The following GABRG3 variants were observed in gnomAD, a reference collection of about 807,000 sequenced individuals.
GABRG3 encodes the protein gamma-aminobutyric acid receptor subunit gamma-3.
GABRG3 carries 25 observed loss-of-function variants against 48.8 expected under a neutral mutation model. The ratio of observed to expected loss-of-function variants is 0.51; its 90% CI spans 0.37 to 0.72. The LOEUF is 0.72. GABRG3 is among the 30% of genes least tolerant of loss of function. The pLI, the probability that GABRG3 is intolerant of heterozygous loss-of-function variation, is 0.00. For synonymous variants in GABRG3, 227 were observed against 217.6 expected (o/e 1.04, Z -0.38); for missense variants, 394 against 577.9 (o/e 0.68, Z 3.26).
intron 3 of GABRG3, among the ~76,000 whole-genome samples, chr15:27,308,340 A>ACGTTTAT (rs1892803799): frequency 7.9e-6 from 1 of 127,192 alleles, no homozygotes; most frequent in Non-Finnish European, 1.7e-5. Context: ...ATATAAACAT[A>ACGTTTAT]ATATAAACAT....
At chr15:27,306,347 A>T (rs968041788) in intron 3 of GABRG3, among the ~76,000 whole-genome samples, 8 of 115,088 alleles carry the variant, frequency 7.0e-5, no homozygotes, top group Admixed American at 3.8e-4. Flanking sequence ...AAATATAAAC[A>T]TGTCTACATA....
chr15:27,197,742 CT>C (rs1012954295), intron 3 of GABRG3, among the ~76,000 whole-genome samples: 1 of 151,954 alleles, frequency 6.6e-6, no homozygotes, highest in South Asian at 2.1e-4. Context: ...TCGTCCTGGG[CT>C]TTTTTTGGTT....
At chr15:27,184,706 C>A (rs2140418679) in intron 3 of GABRG3, among the ~76,000 whole-genome samples, 1 of 151,988 alleles carries the variant, frequency 6.6e-6, no homozygotes, top group East Asian at 1.9e-4. Flanking sequence ...ATTATGGATC[C>A]AATTTATTTA....
intron 2 of GABRG3, among the ~76,000 whole-genome samples, chr15:26,996,566 G>A (rs1196191186): frequency 6.6e-6 from 1 of 151,824 alleles, no homozygotes; most frequent in Non-Finnish European, 1.5e-5. Flanking sequence ...TCTTCCCTTG[G>A]AATTTCTGAC....
At chr15:27,127,303 T>C (rs1897838034) in intron 3 of GABRG3, among the ~76,000 whole-genome samples, 1 of 152,160 alleles carries the variant, frequency 6.6e-6, no homozygotes, top group Non-Finnish European at 1.5e-5. Flanking sequence ...TGCTATAATA[T>C]GCATGAACCT....
chr15:27,291,009 A>G (rs1043892738), intron 3 of GABRG3, among the ~76,000 whole-genome samples: 2 of 152,356 alleles, frequency 1.3e-5, no homozygotes, highest in Admixed American at 6.5e-5. Flanking sequence ...ATAATAAGTC[A>G]TGGAAAATGC....
chr15:27,484,872 T>C (rs1002744897), intron 6 of GABRG3, among the ~76,000 whole-genome samples: 12 of 152,084 alleles, frequency 7.9e-5, no homozygotes, highest in Non-Finnish European at 1.0e-4. Flanking sequence ...AAGAATAAAA[T>C]AAATATCCAT....
At chr15:27,085,157 A>G (rs1897055146) in intron 3 of GABRG3, among the ~76,000 whole-genome samples, 1 of 152,156 alleles carries the variant, frequency 6.6e-6, no homozygotes, top group Non-Finnish European at 1.5e-5. Flanking sequence ...AGTCATTCTG[A>G]CACTTGTGTG....
At chr15:26,973,118 G>A (rs1225196961) in intron 1 of GABRG3, among the ~76,000 whole-genome samples, 2 of 152,164 alleles carry the variant, frequency 1.3e-5, no homozygotes, top group East Asian at 1.9e-4. Context: ...GTGACCAGCC[G>A]TTCAGGGTTC....
intron 2 of GABRG3, among the ~76,000 whole-genome samples, chr15:27,023,497 C>T (rs771187676): frequency 2.6e-5 from 4 of 152,170 alleles, no homozygotes; most frequent in Admixed American, 6.5e-5. Flanking sequence ...TGGAAACCAA[C>T]ATTGTACTTT....
intron 3 of GABRG3, among the ~76,000 whole-genome samples, chr15:27,325,782 T>A (rs1056400856): frequency 6.6e-6 from 1 of 152,176 alleles, no homozygotes; most frequent in African/African-American, 2.4e-5. Context: ...AGTTGAATTA[T>A]AAACCTGAAA....
chr15:27,336,204 AAGAAAGAG>A (rs567021333), intron 5 of GABRG3, among the ~76,000 whole-genome samples: 2,284 of 141,110 alleles, frequency 0.016, 64 homozygotes, highest in African/African-American at 0.064. Context: ...GAAAGAAAGA[AAGAAAGAG>A]AGAGAGAGAG....
chr15:27,385,049 C>T (rs1379670199), intron 5 of GABRG3, among the ~76,000 whole-genome samples: 1 of 152,150 alleles, frequency 6.6e-6, no homozygotes, highest in African/African-American at 2.4e-5. Flanking sequence ...AATGTTCCTC[C>T]TGCCCTTTCA....
At chr15:27,232,880 A>G (rs913752260) in intron 3 of GABRG3, among the ~76,000 whole-genome samples, 4 of 152,180 alleles carry the variant, frequency 2.6e-5, no homozygotes, top group Non-Finnish European at 5.9e-5. Context: ...CTCTTCTACT[A>G]CCTGTCCAGA....
At chr15:27,301,533 G>C (rs1892205979) in intron 3 of GABRG3, among the ~76,000 whole-genome samples, 1 of 152,084 alleles carries the variant, frequency 6.6e-6, no homozygotes, top group African/African-American at 2.4e-5. Context: ...TAGGTAAATG[G>C]AAGTTAGAAA....
chr15:27,077,283 G>A (rs181302797), intron 3 of GABRG3, among the ~76,000 whole-genome samples: 3 of 152,124 alleles, frequency 2.0e-5, no homozygotes, highest in South Asian at 2.1e-4. Flanking sequence ...GGTTCCAACC[G>A]TGCTTGCCTG....
chr15:27,006,785 C>T (rs1045043048), intron 2 of GABRG3, among the ~76,000 whole-genome samples: 2 of 151,820 alleles, frequency 1.3e-5, no homozygotes, highest in Non-Finnish European at 2.9e-5. Flanking sequence ...CATTAGTTCA[C>T]TTAGGATAAT....
In GABRG3 at chr15:27,305,243, A is replaced by G. The variant is rs531317614; in HGVS notation, c.271-21566A>G. ...CTATACAGTAGAACGCAGACTGGAAAACAGAAAAATTTTAAAACATCATTT... is the reference window on the plus strand; with the variant it reads ...CTATACAGTAGAACGCAGACTGGAAGACAGAAAAATTTTAAAACATCATTT... On this transcript the variant is annotated intron_variant, in intron 3 of 9. Transcript: ENST00000615808. Among the ~76,000 whole-genome samples the G allele has an allele frequency of 4.0e-5, 6 of 151,822 alleles. No homozygotes were observed. In the South Asian group the frequency reaches 8.3e-4, roughly 21 times the overall value.
intron 5 of GABRG3, among the ~76,000 whole-genome samples, chr15:27,333,353 T>TG (rs2140522922): frequency 6.6e-6 from 1 of 152,314 alleles, no homozygotes; most frequent in South Asian, 2.1e-4. Context: ...CTGGAGTCTC[T>TG]GGGGGAGAAT....
Sources: gnomAD v4.1 joint callset for allele counts (sites outside exome capture counted in the v4.1 genomes callset) on GRCh38, gnomAD v4.1.1 for gene constraint, MANE v1.5 for transcripts, NCBI Gene and HGNC (gene_info 2026-07-23, HGNC 2026-07-21) for gene names.